The following SLX4IP variants were observed in gnomAD, a reference collection of about 807,000 sequenced individuals.
The protein encoded by SLX4IP is SLX4 interacting protein, also known as protein SLX4IP.
SLX4IP carries 34 observed loss-of-function variants against 32.9 expected under a neutral mutation model. The ratio of observed to expected loss-of-function variants is 1.03; its 90% CI spans 0.79 to 1.38. SLX4IP has a LOEUF of 1.38. Ranked by LOEUF, SLX4IP falls within the 40% of genes most tolerant of loss-of-function variation. The pLI is 0.00. For synonymous variants in SLX4IP, 172 were observed against 171.7 expected (o/e 1.00, Z -0.01); for missense variants, 444 against 479.0 (o/e 0.93, Z 0.68).
chr20:10,525,775 A>G (rs1037159403), intron 2 of SLX4IP, among the ~76,000 whole-genome samples: 8 of 152,162 alleles, frequency 5.3e-5, no homozygotes, highest in Admixed American at 3.3e-4. Flanking sequence ...GACCAACTGC[A>G]TTCAAGGCTC....
At chr20:10,603,970 T>C (rs563194690) in intron 6 of SLX4IP, among the ~76,000 whole-genome samples, 3 of 152,232 alleles carry the variant, frequency 2.0e-5, no homozygotes, top group Non-Finnish European at 4.4e-5. Flanking sequence ...TAAGGATCAA[T>C]AAACAGCCCT....
intron 1 of SLX4IP, among the ~76,000 whole-genome samples, chr20:10,447,779 C>T (rs1289965999): frequency 6.6e-6 from 1 of 151,878 alleles, no homozygotes; most frequent in African/African-American, 2.4e-5. Flanking sequence ...TGGCTCACTG[C>T]AGCCTTGAAC....
intron 2 of SLX4IP, among the ~76,000 whole-genome samples, chr20:10,482,618 G>A (rs972009798): frequency 3.3e-5 from 5 of 152,140 alleles, no homozygotes; most frequent in African/African-American, 1.2e-4. Context: ...TTTACTCCTT[G>A]TTGGGGAGAG....
rs769836393 is a variant in SLX4IP, at chr20:10,601,836, T to A, written c.405+17T>A. ...GAAGATTTGGTGAGTATGAAAAAAT[T>A]CTATAAACAAATAAGTCTGCTTAAA... is the stretch of plus-strand genomic sequence containing the variant. On this transcript the variant is annotated intron_variant, in intron 6 of 7. Coordinates refer to ENST00000334534, the MANE Select transcript of SLX4IP (RefSeq NM_001009608.3). The A allele has an allele frequency of 6.2e-7, 1 of 1,600,152 alleles. No individual in the cohort carries two copies. Among genetic ancestry groups the A allele is most frequent in the South Asian group, 1.1e-5 (1 of 90,680 alleles).
chr20:10,445,932 GCTTTTTTTTT>G (rs1568684284), intron 1 of SLX4IP, among the ~76,000 whole-genome samples: 9 of 126,232 alleles, frequency 7.1e-5, no homozygotes, highest in Non-Finnish European at 1.1e-4. Context: ...GGCTGAGATT[GCTTTTTTTTT>G]TTTTTTTTTT....
chr20:10,596,181 A>G lies in SLX4IP; in HGVS notation c.239-2494A>G, dbSNP rs188316532. Among the ~76,000 whole-genome samples the G allele has an allele frequency of 1.2e-3, 186 of 152,260 alleles. 1 individual carries two copies. Among genetic ancestry groups the G allele is most frequent in the African/African-American group, 3.8e-3 (157 of 41,554 alleles). ...TCAGATACCAGGCTTCCTGGACTCA[A>G]AACTGTAGCTTTCATGGTCAACTTC... On this transcript the variant is annotated intron_variant, in intron 4 of 7. Transcript: ENST00000334534.
intron 6 of SLX4IP, among the ~76,000 whole-genome samples, chr20:10,610,155 G>A (rs2066949604): frequency 6.6e-6 from 1 of 152,056 alleles, no homozygotes; most frequent in South Asian, 2.1e-4. Context: ...GTAGGTGAAT[G>A]TAAACTGGAA....
intron 2 of SLX4IP, among the ~76,000 whole-genome samples, chr20:10,520,604 G>A (rs944641870): frequency 6.6e-6 from 1 of 152,112 alleles, no homozygotes; most frequent in African/African-American, 2.4e-5. Flanking sequence ...GATTATGAAA[G>A]TTCACACTTA....
At chr20:10,515,457 C>T (rs542588837) in intron 2 of SLX4IP, among the ~76,000 whole-genome samples, 2 of 152,224 alleles carry the variant, frequency 1.3e-5, no homozygotes, top group African/African-American at 4.8e-5. Context: ...TAGTTGCTTT[C>T]CAAAGCTCAG....
intron 2 of SLX4IP, among the ~76,000 whole-genome samples, chr20:10,494,121 T>C (rs1463327477): frequency 6.6e-6 from 1 of 151,710 alleles, no homozygotes; most frequent in Non-Finnish European, 1.5e-5. Flanking sequence ...GCTTTGACAG[T>C]ATAATTTAGC....
intron 2 of SLX4IP, among the ~76,000 whole-genome samples, chr20:10,497,327 T>C (rs546995562): frequency 6.6e-6 from 1 of 152,296 alleles, no homozygotes; most frequent in African/African-American, 2.4e-5. Flanking sequence ...AGATGAGACA[T>C]CTGCCATTAG....
rs752561204 is a variant in SLX4IP, at chr20:10,592,907, C to G, written c.239-5768C>G. On this transcript the variant is annotated intron_variant, in intron 4 of 7. Transcript: ENST00000334534. ...TTGGCCTCCCAAAGTGCTGGGATTA[C>G]AGGCGTGAGCCACTGTGCCTAGCCT... Among the ~76,000 whole-genome samples, 5 of 152,152 alleles carry G rather than the reference C, an allele frequency of 3.3e-5. No homozygotes were observed. The East Asian group carries it at 9.7e-4, about 29-fold the overall frequency.
chr20:10,532,383 G>A (rs924850057), intron 2 of SLX4IP, among the ~76,000 whole-genome samples: 2 of 151,940 alleles, frequency 1.3e-5, no homozygotes, highest in Non-Finnish European at 2.9e-5. Context: ...ATTAGTATCC[G>A]CACCCTCACT....
At chr20:10,540,096 T>TTCCTTCCCTTCCTTCCTTCC (rs1380282080) in intron 2 of SLX4IP, among the ~76,000 whole-genome samples, 8 of 111,750 alleles carry the variant, frequency 7.2e-5, no homozygotes, top group South Asian at 3.3e-4. Context: ...CCTTCCTTCC[T>TTCCTTCCCTTCCTTCCTTCC]TTCCTTCCTT....
intron 4 of SLX4IP, among the ~76,000 whole-genome samples, chr20:10,585,787 C>A (rs533361863): frequency 6.6e-5 from 10 of 152,174 alleles, no homozygotes; most frequent in African/African-American, 2.2e-4. Flanking sequence ...GACAGGGTTT[C>A]ACCATATTGG....
chr20:10,485,196 A>G (rs1359527432), intron 2 of SLX4IP, among the ~76,000 whole-genome samples: 1 of 152,062 alleles, frequency 6.6e-6, no homozygotes, highest in Non-Finnish European at 1.5e-5. Flanking sequence ...GATTGACCAC[A>G]TGGATAATTG....
At position 10,522,495 on chromosome 20, in the gene SLX4IP, G is replaced by T. The variant is rs559221728; in HGVS notation, c.28-33736G>T. 3.3e-4 allele frequency among the ~76,000 whole-genome samples: 50 copies of T among 152,290 alleles called. 1 individual carries two copies. In the South Asian group the frequency reaches 0.01, roughly 31 times the overall value. On this transcript the variant is annotated intron_variant, in intron 2 of 7. Coordinates refer to ENST00000334534, the MANE Select transcript of SLX4IP (RefSeq NM_001009608.3). Reference sequence around the variant, plus strand: ...TTCCTGCCAAGCAGCCCAGCAGGGAGCAAAGAGAAGCATTTAGGAGGGAAG... The same window carrying T: ...TTCCTGCCAAGCAGCCCAGCAGGGATCAAAGAGAAGCATTTAGGAGGGAAG...
intron 4 of SLX4IP, among the ~76,000 whole-genome samples, chr20:10,598,325 G>A (rs1026580060): frequency 6.6e-6 from 1 of 152,172 alleles, no homozygotes; most frequent in Non-Finnish European, 1.5e-5. Context: ...CTGGCGTGCA[G>A]TGATCTTAGC....
Position 10,536,173 on chromosome 20 carries a change from T to G in SLX4IP, c.28-20058T>G, listed in dbSNP as rs139368388. ...TAGAGATCTTTAACACACCTTCTTG[T>G]TTTTTGGAATGTGACAAGTTTTATA... is the stretch of plus-strand genomic sequence containing the variant. On this transcript the variant is annotated intron_variant, in intron 2 of 7. Coordinates refer to ENST00000334534, the MANE Select transcript of SLX4IP (RefSeq NM_001009608.3). 2.6e-3 allele frequency among the ~76,000 whole-genome samples: 390 copies of G among 152,284 alleles called. 2 individuals are homozygous for G. Among genetic ancestry groups the G allele is most frequent in the African/African-American group, 8.8e-3 (366 of 41,552 alleles).
Sources: gnomAD v4.1 joint callset for allele counts (sites outside exome capture counted in the v4.1 genomes callset) on GRCh38, gnomAD v4.1.1 for gene constraint, MANE v1.5 for transcripts, NCBI Gene and HGNC (gene_info 2026-07-23, HGNC 2026-07-21) for gene names.